The following SIK3 variants were observed in gnomAD, a reference collection of about 807,000 sequenced individuals.
SIK3 encodes the protein serine/threonine-protein kinase SIK3.
A neutral mutation model predicts 144.2 loss-of-function variants in SIK3; 28 were observed. That is an observed-to-expected ratio of 0.19 (90% CI 0.14 to 0.27). The LOEUF is 0.27. Ranked by LOEUF, SIK3 falls within the 10% of genes least tolerant of loss-of-function variation. The probability of loss-of-function intolerance (pLI) is 1.00; values close to 1 mark genes in which losing one functional copy is unlikely to be tolerated. For synonymous variants in SIK3, 686 were observed against 676.3 expected, an observed-to-expected ratio of 1.01 and a Z score of -0.22; for missense variants, 1,319 against 1,776.0, an observed-to-expected ratio of 0.74 and a Z score of 4.62.
chr11:117,087,442 C>CA (rs59330954), intron 1 of SIK3, among the ~76,000 whole-genome samples: 12,042 of 151,886 alleles, frequency 0.079, 1,122 homozygotes, highest in African/African-American at 0.23. Context: ...GACTCTGCCT[C>CA]AAAAAAAGGT....
intron 4 of SIK3, among the ~76,000 whole-genome samples, chr11:116,917,819 A>AGAAG (rs2135031684): frequency 6.8e-6 from 1 of 146,766 alleles, no homozygotes; most frequent in South Asian, 2.4e-4. Flanking sequence ...GAAAGAAGGA[A>AGAAG]GAAGAAGGAA....
Position 116,846,332 on chromosome 11 carries a change from G to A in SIK3, c.*13+51C>T, listed in dbSNP as rs769338245. 3.7e-5 allele frequency: 59 copies of A among 1,573,506 alleles called. 1 individual carries two copies. The highest frequency in any genetic ancestry group is 4.9e-5 in the Non-Finnish European group (57 of 1,153,586). ...GCTGAAGCTCCTGATGGGATTGGGA[G>A]CAGGCACTGGGCCACAGGGCTGGTT... On this transcript the variant is annotated intron_variant, in intron 24 of 24. Transcript: ENST00000445177. This position sits in a 1 kb window ranked among gnomAD's most constrained non-coding sequence, Gnocchi z 4.1.
At chr11:116,872,260 A>G (rs1944008321) in intron 13 of SIK3, among the ~76,000 whole-genome samples, 1 of 152,242 alleles carries the variant, frequency 6.6e-6, no homozygotes, top group African/African-American at 2.4e-5. Flanking sequence ...GAATTTATCA[A>G]CAAGAACTTG....
rs1365248385 is a variant in SIK3 at position 117,023,825 on chromosome 11, C to T, written c.274-66761G>A. ...TCAAGTAGCTGGGATTACAGATGTG[C>T]GCCACCGTGGCATAACTAATTTTTT... On this transcript the variant is annotated intron_variant, in intron 1 of 24. Coordinates refer to ENST00000445177, the MANE Select transcript of SIK3 (RefSeq NM_001366686.3). 5.9e-5 allele frequency among the ~76,000 whole-genome samples: 9 copies of T among 151,538 alleles called. No individual in the cohort carries two copies. In the East Asian group the frequency reaches 1.7e-3, roughly 29 times the overall value.
chr11:116,848,002 A>T (rs1043851920), intron 22 of SIK3, among the ~76,000 whole-genome samples: 3 of 152,184 alleles, frequency 2.0e-5, no homozygotes, highest in Non-Finnish European at 4.4e-5. Flanking sequence ...CAGTAGCCAC[A>T]AGTGGCTACT....
chr11:117,062,231 G>A (rs1016103826), intron 1 of SIK3, among the ~76,000 whole-genome samples: 1 of 152,134 alleles, frequency 6.6e-6, no homozygotes, highest in Non-Finnish European at 1.5e-5. Flanking sequence ...TTTTCAGTAG[G>A]AAATAGGCTA....
intron 6 of SIK3, among the ~76,000 whole-genome samples, chr11:116,888,770 T>C (rs1944955407): frequency 6.6e-6 from 1 of 152,258 alleles, no homozygotes; most frequent in South Asian, 2.1e-4. Flanking sequence ...CGACTACGTT[T>C]AGGATAATCC....
chr11:116,938,693 T>TACCA (rs1948126291), intron 3 of SIK3, among the ~76,000 whole-genome samples: 1 of 148,828 alleles, frequency 6.7e-6, no homozygotes, highest in Non-Finnish European at 1.5e-5. Flanking sequence ...GAGAAATGTT[T>TACCA]GATTCCATGT....
In SIK3 at chr11:116,858,096, GGAA is replaced by G; in HGVS notation, c.3366_3368del (p.Ser1124del). On this transcript the variant is annotated inframe_deletion, in exon 21 of 25. Transcript: ENST00000445177. The surrounding 1 kb of genome is among the most constrained non-coding windows in gnomAD (Gnocchi z 5.4). ...CATACCCGTGGGGCGGGGTGGGTGA[GGAA>G]GCCTGTGAGACACATTCTTGTGCCC... 1 of 1,614,104 alleles carries G rather than the reference GGAA, an allele frequency of 6.2e-7. No homozygotes were observed. Among genetic ancestry groups the G allele is most frequent in the Non-Finnish European group, 8.5e-7 (1 of 1,179,970 alleles).
chr11:117,083,076 A>AATGG, intron 1 of SIK3, among the ~76,000 whole-genome samples: 1 of 152,312 alleles, frequency 6.6e-6, no homozygotes, highest in Admixed American at 6.5e-5. Context: ...GTGACTCCAA[A>AATGG]ATGGATGCGT....
chr11:116,861,451 C>A, intron 18 of SIK3, 68 bp from the exon 19 acceptor site: 2 of 1,190,294 alleles, frequency 1.7e-6, no homozygotes, highest in Non-Finnish European at 2.4e-6. Context: ...AAGTTTCAGC[C>A]ATACAACATA....
At chr11:116,952,311 A>T (rs945125029) in intron 3 of SIK3, among the ~76,000 whole-genome samples, 1 of 152,212 alleles carries the variant, frequency 6.6e-6, no homozygotes, top group Non-Finnish European at 1.5e-5. Context: ...CTGAGGCAGG[A>T]GGATCACTTG....
chr11:117,012,825 G>A (rs1349961987), intron 1 of SIK3, among the ~76,000 whole-genome samples: 1 of 141,884 alleles, frequency 7.0e-6, no homozygotes, highest in Non-Finnish European at 1.5e-5. Context: ...GAAATTCTTA[G>A]GGTTTTTTTT....
chr11:117,056,548 TATAGATATAG>T (rs1267630403), intron 1 of SIK3, among the ~76,000 whole-genome samples: 10 of 78,186 alleles, frequency 1.3e-4, no homozygotes, highest in Non-Finnish European at 2.2e-4. Flanking sequence ...TAGATATAGA[TATAGATATAG>T]ATATAGATAT....
rs1236769534 is a variant in SIK3, at chr11:116,844,611, T to TACAC, written c.*1031_*1032insGTGT. On this transcript the variant is annotated 3_prime_UTR_variant, in exon 25 of 25. Coordinates refer to ENST00000445177, the MANE Select transcript of SIK3 (RefSeq NM_001366686.3). ...ATATATATATTTTATATATATATTA[T>TACAC]ATATATAATATATATATAATATATT... is the stretch of plus-strand genomic sequence containing the variant. 0.018 allele frequency: 769 copies of TACAC among 42,408 alleles called. 18 individuals are homozygous for TACAC. The highest frequency in any genetic ancestry group is 0.1 in the African/African-American group (714 of 7,110). 2.6% of individuals were successfully genotyped at this position (42,408 alleles called of 1,614,324 possible). A position where few individuals can be genotyped will look rare whatever the true frequency, so the allele number is the denominator to read the frequency against.
intron 3 of SIK3, among the ~76,000 whole-genome samples, chr11:116,937,553 T>A (rs969769929): frequency 2.0e-5 from 3 of 152,180 alleles, no homozygotes; most frequent in Admixed American, 1.3e-4. Flanking sequence ...ATGGGATATA[T>A]CCTAAGAACA....
intron 4 of SIK3, among the ~76,000 whole-genome samples, chr11:116,923,614 A>C (rs1236348422): frequency 6.6e-6 from 1 of 152,270 alleles, no homozygotes; most frequent in Non-Finnish European, 1.5e-5. Context: ...AGACTGCATG[A>C]GCAAAGCTAA....
intron 4 of SIK3, among the ~76,000 whole-genome samples, chr11:116,913,090 G>T (rs1386473806): frequency 6.9e-6 from 1 of 144,510 alleles, no homozygotes; most frequent in African/African-American, 2.6e-5. Flanking sequence ...TCAGAATTGT[G>T]GTAGTGACAA....
intron 3 of SIK3, among the ~76,000 whole-genome samples, chr11:116,950,591 T>C (rs1433234609): frequency 6.6e-6 from 1 of 152,206 alleles, no homozygotes; most frequent in Non-Finnish European, 1.5e-5. Flanking sequence ...TTTCTATTGT[T>C]CTGTTTAAAA....
Sources: allele counts gnomAD v4.1 joint callset (sites outside exome capture counted in the v4.1 genomes callset), GRCh38; gene constraint gnomAD v4.1.1; non-coding constraint Gnocchi (gnomAD v3.1); transcripts MANE v1.5; gene names NCBI Gene and HGNC (gene_info 2026-07-23, HGNC 2026-07-21).